FNDC1: variants seen among roughly 807,000 people sequenced by gnomAD.
The protein encoded by FNDC1 is fibronectin type III domain-containing protein 1.
In FNDC1, 96 loss-of-function variants were observed where a neutral mutation model predicts 168.0. That is an observed-to-expected ratio of 0.57 (90% CI 0.48 to 0.68). The LOEUF (loss-of-function observed/expected upper bound fraction) is 0.68. FNDC1 is among the 30% of genes least tolerant of loss of function. The pLI is 0.00. For synonymous variants in FNDC1, 1,099 were observed against 1,025.9 expected (o/e 1.07, Z -1.36); for missense variants, 2,587 against 2,482.1 (o/e 1.04, Z -0.90).
intron 9 of FNDC1, among the ~76,000 whole-genome samples, chr6:159,227,078 A>G (rs191967826): frequency 2.6e-5 from 4 of 152,382 alleles, no homozygotes; most frequent in Admixed American, 2.0e-4. Context: ...CAAGGAAAAC[A>G]TAACACCAAA....
intron 4 of FNDC1, among the ~76,000 whole-genome samples, chr6:159,211,275 C>T (rs1442231147): frequency 1.3e-5 from 2 of 152,154 alleles, no homozygotes; most frequent in African/African-American, 2.4e-5. Flanking sequence ...AGACAAATTG[C>T]GGCTCTTCAA....
At chr6:159,255,697 G>T (rs1482827439) in intron 17 of FNDC1, among the ~76,000 whole-genome samples, 1 of 152,184 alleles carries the variant, frequency 6.6e-6, no homozygotes, top group Admixed American at 6.5e-5. Flanking sequence ...TACATACTAG[G>T]ATCATGAGGA....
chr6:159,223,645 G>A lies in FNDC1; in HGVS notation c.884G>A (p.Arg295Lys), dbSNP rs1032058829. The A allele has an allele frequency of 8.8e-6, 14 of 1,592,606 alleles. No individual in the cohort carries two copies. Among genetic ancestry groups the A allele is most frequent in the Non-Finnish European group, 1.2e-5 (14 of 1,161,938 alleles). Residue 295 changes from arginine (R) to lysine (K), a missense_variant and splice_region_variant, in exon 7 of 23, where the codon AGA (arginine) becomes AAA (lysine). Arg to Lys is a conservative substitution (Grantham distance 26). Transcript: ENST00000297267. ...LEKQKKVVAS[R>K]QYTVRYREKG... is the part of the protein sequence containing the mutation. The stretch of plus-strand genomic sequence containing the variant: ...AAACAGAAGAAAGTTGTTGCATCAA[G>A]GTACTTTTGCTTATTTATTTGTCTT...
In FNDC1 at chr6:159,234,223, G is replaced by A; in HGVS notation, c.3711G>A (p.Leu1237=). ...AIALAPRGGS[L]APVKRPLPPP... ...CGCTTGCCCCTCGCGGAGGGAGCCT[G>A]GCTCCTGTGAAGCGACCTCTCCCCC... Residue 1237 remains leucine, a synonymous_variant, in exon 11 of 23, where the codon CTG becomes CTA. Transcript: ENST00000297267. 6.3e-7 allele frequency: 1 copy of A among 1,594,310 alleles called. No individual in the cohort carries two copies. Among genetic ancestry groups the A allele is most frequent in the East Asian group, 2.3e-5 (1 of 43,956 alleles).
chr6:159,178,271 G>T lies in FNDC1; in HGVS notation c.109+8566G>T, dbSNP rs181573533. Among the ~76,000 whole-genome samples, 13 of 152,176 alleles carry T rather than the reference G, an allele frequency of 8.5e-5. No individual in the cohort carries two copies. In the East Asian group the frequency reaches 1.2e-3, roughly 14 times the overall value. On this transcript the variant is annotated intron_variant, in intron 1 of 22. Transcript: ENST00000297267. The stretch of plus-strand genomic sequence containing the variant: ...GACAATTGCTATCTTCCTTATTTTC[G>T]CTTTAAAAGCCTTTGTCTTCCTTTC...
chr6:159,269,437 C>A (rs1777680832), intron 22 of FNDC1, among the ~76,000 whole-genome samples: 1 of 137,776 alleles, frequency 7.3e-6, no homozygotes. Flanking sequence ...AGGTATCCAT[C>A]CATTATCTAC....
At chr6:159,177,703 G>A (rs295326) in intron 1 of FNDC1, among the ~76,000 whole-genome samples, 67,978 of 151,978 alleles carry the variant, frequency 0.45, 16,442 homozygotes, top group East Asian at 0.61. Flanking sequence ...GAGAAGGCTC[G>A]GCCTCCTCTG....
intron 4 of FNDC1, among the ~76,000 whole-genome samples, chr6:159,214,534 G>C (rs1782670931): frequency 6.6e-6 from 1 of 152,174 alleles, no homozygotes; most frequent in African/African-American, 2.4e-5. Flanking sequence ...CAGTGAAAAA[G>C]CTTTCTGGAG....
chr6:159,211,092 T>A (rs979943959), intron 4 of FNDC1, among the ~76,000 whole-genome samples: 1 of 152,080 alleles, frequency 6.6e-6, no homozygotes, highest in African/African-American at 2.4e-5. Flanking sequence ...TCCACAGTTA[T>A]AATGGAGGCT....
chr6:159,236,209 G>A lies in FNDC1; in HGVS notation c.3968-6G>A, dbSNP rs41267769. The A allele has an allele frequency of 1.9e-6, 3 of 1,606,274 alleles. No homozygotes were observed. The highest frequency in any genetic ancestry group is 2.7e-5 in the African/African-American group (2 of 74,772). The stretch of plus-strand genomic sequence containing the variant: ...CTCTGTTATTTTTATTTTTGGTACT[G>A]TGTAGGTTATAATGGCAGACCAAAT... On this transcript the variant is annotated splice_polypyrimidine_tract_variant and splice_region_variant and intron_variant, in intron 11 of 22. Transcript: ENST00000297267.
In FNDC1 at chr6:159,233,568, C is replaced by T. The variant is rs1783157838; in HGVS notation, c.3056C>T (p.Pro1019Leu). The change falls in exon 11 of 23, where the codon CCC becomes CTC. Residue 1019 changes from proline (P) to leucine (L), a missense_variant. Physicochemically the swap from Pro to Leu is moderately conservative, Grantham distance 98 (BLOSUM62 -3). Transcript: ENST00000297267. This position sits in a 1 kb window ranked among gnomAD's most constrained non-coding sequence, Gnocchi z 4.6. ...PVATSQHHPG[P>L]QSRDAGRSPS... ...GCCACGTCCCAGCACCACCCGGGAC[C>T]CCAGAGCAGAGACGCGGGTCGGTCA... The T allele has an allele frequency of 1.3e-6, 2 of 1,591,448 alleles. No homozygotes were observed. Among genetic ancestry groups the T allele is most frequent in the South Asian group, 1.1e-5 (1 of 88,206 alleles).
At chr6:159,250,900 G>C (rs1777243906) in intron 16 of FNDC1, among the ~76,000 whole-genome samples, 1 of 152,206 alleles carries the variant, frequency 6.6e-6, no homozygotes, top group Admixed American at 6.5e-5. Flanking sequence ...CTGGTCCCAA[G>C]ATAGTCAAGG....
At chr6:159,226,682 T>A in intron 9 of FNDC1, 102 bp downstream of exon 9, 1 of 864,908 alleles carries the variant, frequency 1.2e-6, no homozygotes, top group Non-Finnish European at 1.8e-6. Flanking sequence ...AAGCAACATA[T>A]GTCTAAGAGG....
chr6:159,216,162 A>G (rs1782705337), intron 5 of FNDC1, among the ~76,000 whole-genome samples: 1 of 152,110 alleles, frequency 6.6e-6, no homozygotes, highest in Non-Finnish European at 1.5e-5. Context: ...GGGTTTCACC[A>G]TGTTGGCCAG....
chr6:159,187,916 G>A (rs56408830), intron 1 of FNDC1, among the ~76,000 whole-genome samples: 2,268 of 152,068 alleles, frequency 0.015, 30 homozygotes, highest in Non-Finnish European at 0.02. Flanking sequence ...TCTCTATGTC[G>A]TATATCACAT....
At chr6:159,239,117 T>C (rs187774023) in intron 13 of FNDC1, among the ~76,000 whole-genome samples, 1 of 152,356 alleles carries the variant, frequency 6.6e-6, no homozygotes, top group African/African-American at 2.4e-5. Flanking sequence ...AATTATGCAC[T>C]GTCTAACTCA....
chr6:159,268,190 C>T (rs144913228), intron 22 of FNDC1, among the ~76,000 whole-genome samples: 2 of 152,022 alleles, frequency 1.3e-5, no homozygotes, highest in African/African-American at 4.8e-5. Flanking sequence ...GCAGACCCAC[C>T]GTGATATGTT....
intron 4 of FNDC1, among the ~76,000 whole-genome samples, chr6:159,200,917 A>G (rs925573066): frequency 6.6e-6 from 1 of 152,276 alleles, no homozygotes; most frequent in African/African-American, 2.4e-5. Context: ...TCTACCAGTG[A>G]ATCAATGAAT....
rs548569089 is a variant in FNDC1, at chr6:159,227,005, A to G, written c.1180+425A>G. Among the ~76,000 whole-genome samples, 4 of 152,362 alleles carry G rather than the reference A, an allele frequency of 2.6e-5. No individual in the cohort carries two copies. In the East Asian group the frequency reaches 7.7e-4, roughly 29 times the overall value. On this transcript the variant is annotated intron_variant, in intron 9 of 22. Coordinates refer to ENST00000297267, the MANE Select transcript of FNDC1 (RefSeq NM_032532.3). ...TTAATGGGTTTGAAAAACTCAAGTAATAATCGCTGGAAAATGGATTGATTC... is the reference window on the plus strand; with the variant it reads ...TTAATGGGTTTGAAAAACTCAAGTAGTAATCGCTGGAAAATGGATTGATTC...
Sources: allele counts gnomAD v4.1 joint callset (sites outside exome capture counted in the v4.1 genomes callset), GRCh38; gene constraint gnomAD v4.1.1; non-coding constraint Gnocchi (gnomAD v3.1); transcripts MANE v1.5; gene names NCBI Gene and HGNC (gene_info 2026-07-23, HGNC 2026-07-21).